LPIN1: variants seen among roughly 807,000 people sequenced by gnomAD.
LPIN1 encodes lipin 1.
Under a neutral mutation model 107.5 loss-of-function variants are expected in LPIN1, and 71 were observed. The ratio of observed to expected loss-of-function variants is 0.66; its 90% CI spans 0.55 to 0.80. The LOEUF is 0.80. Ranked by LOEUF, LPIN1 falls within the 30% of genes least tolerant of loss-of-function variation. The pLI is 0.00. For missense variants in LPIN1, 1,043 were observed against 1,160.6 expected, an observed-to-expected ratio of 0.90 and a Z score of 1.47; for synonymous variants, 445 against 452.6, an observed-to-expected ratio of 0.98 and a Z score of 0.21.
In LPIN1 at chr2:11,820,457, T is replaced by A. The variant is rs766055726; in HGVS notation, c.2564T>A (p.Phe855Tyr). The A allele has an allele frequency of 1.1e-5, 17 of 1,613,670 alleles. No individual in the cohort carries two copies. In the African/African-American group the frequency reaches 2.3e-4, roughly 22 times the overall value. The change falls in exon 20 of 21, where the codon TTT (phenylalanine) becomes TAT (tyrosine). Residue 855 changes from phenylalanine to tyrosine, a missense_variant. Transcript: ENST00000674199. ...KQVGVSLNRI[F>Y]TVNPKGELVQ... ...GTAGGAGTGTCTTTGAATAGAATAT[T>A]TACCGTCAACCCTAAAGGAGAGCTG...
intron 1 of LPIN1, among the ~76,000 whole-genome samples, chr2:11,725,380 A>G (rs534120329): frequency 2.0e-5 from 3 of 152,378 alleles, no homozygotes; most frequent in Non-Finnish European, 2.9e-5. Flanking sequence ...GAACTCCCCA[A>G]GTTGGATCCT....
intron 11 of LPIN1, 35 bp downstream of exon 11, chr2:11,787,202 A>G (rs1674744851): frequency 3.7e-6 from 5 of 1,351,158 alleles, no homozygotes; most frequent in South Asian, 3.5e-5. Context: ...TGGCAGTAGC[A>G]TGATACTGTT....
chr2:11,749,811 A>G (rs754996700), intron 1 of LPIN1, among the ~76,000 whole-genome samples: 4 of 152,216 alleles, frequency 2.6e-5, no homozygotes, highest in Non-Finnish European at 5.9e-5. Context: ...ACCGGTGGTC[A>G]TGGCTACAGG....
intron 1 of LPIN1, among the ~76,000 whole-genome samples, chr2:11,703,734 C>T (rs73181307): frequency 1.3e-5 from 2 of 152,150 alleles, no homozygotes; most frequent in African/African-American, 2.4e-5. Flanking sequence ...ACAAACTAGA[C>T]CTGCCTCCCT....
At chr2:11,784,024 G>A in intron 9 of LPIN1, 102 bp downstream of exon 9, 1 of 1,589,986 alleles carries the variant, frequency 6.3e-7, no homozygotes, top group Non-Finnish European at 8.6e-7. Flanking sequence ...GTGCAAGACA[G>A]CTGGGCGCGG....
At chr2:11,788,493 A>C in intron 12 of LPIN1, 37 bp downstream of exon 12, 1 of 1,476,406 alleles carries the variant, frequency 6.8e-7, no homozygotes, top group Non-Finnish European at 9.5e-7. Flanking sequence ...GGGATGCTAG[A>C]AATGATGGGT....
At chr2:11,779,292 G>A (rs1469859106) in intron 6 of LPIN1, among the ~76,000 whole-genome samples, 10 of 152,096 alleles carry the variant, frequency 6.6e-5, no homozygotes, top group Admixed American at 6.5e-4. Context: ...CTCCCCCGCG[G>A]TGCACCAGGC....
upstream of LPIN1, chr2:11,745,419 T>C (rs779137364): frequency 1.3e-5 from 2 of 152,240 alleles, no homozygotes; most frequent in Non-Finnish European, 2.9e-5. Flanking sequence ...GGTTTAAAAT[T>C]CTTTTTGGAC....
chr2:11,741,472 T>G, intron 2 of LPIN1: 1 of 1,376,678 alleles, frequency 7.3e-7, no homozygotes, highest in Non-Finnish European at 1.0e-6. Context: ...TAAGGTGTTA[T>G]GACCATTAGA....
At chr2:11,784,031 G>C in intron 9 of LPIN1, 109 bp downstream of exon 9, 1 of 1,579,256 alleles carries the variant, frequency 6.3e-7, no homozygotes, top group Non-Finnish European at 8.6e-7. Context: ...ACAGCTGGGC[G>C]CGGTGGCTCA....
At chr2:11,727,547 A>T (rs1038302971) in intron 1 of LPIN1, among the ~76,000 whole-genome samples, 1 of 152,104 alleles carries the variant, frequency 6.6e-6, no homozygotes, top group Non-Finnish European at 1.5e-5. Context: ...GTGGGGTGTC[A>T]CTGTTTCTAG....
At chr2:11,691,206 C>T (rs1289449606) in intron 1 of LPIN1, among the ~76,000 whole-genome samples, 1 of 151,764 alleles carries the variant, frequency 6.6e-6, no homozygotes, top group Non-Finnish European at 1.5e-5. Context: ...GTAGTTGCCT[C>T]CCCAGGTCCG....
intron 7 of LPIN1, among the ~76,000 whole-genome samples, chr2:11,781,123 A>G (rs1031620825): frequency 2.6e-5 from 4 of 152,190 alleles, no homozygotes; most frequent in Non-Finnish European, 5.9e-5. Context: ...TGAATGAATG[A>G]GTGAGTGAGT....
intron 1 of LPIN1, among the ~76,000 whole-genome samples, chr2:11,688,293 C>A (rs1662105531): frequency 6.6e-6 from 1 of 152,212 alleles, no homozygotes; most frequent in South Asian, 2.1e-4. Context: ...TCCACCCTCC[C>A]TCTCCCCACA....
At chr2:11,750,354 G>A (rs1490618751) in intron 1 of LPIN1, among the ~76,000 whole-genome samples, 1 of 152,258 alleles carries the variant, frequency 6.6e-6, no homozygotes, top group Non-Finnish European at 1.5e-5. Context: ...CAGTCTCGGG[G>A]TGGCCTCTTT....
At chr2:11,756,058 A>G (rs1003461594) in intron 1 of LPIN1, among the ~76,000 whole-genome samples, 3 of 152,226 alleles carry the variant, frequency 2.0e-5, no homozygotes, top group Non-Finnish European at 4.4e-5. Flanking sequence ...GAAGAAAAGT[A>G]CAAGTGAGAA....
chr2:11,787,316 G>T, intron 11 of LPIN1, 149 bp downstream of exon 11: 1 of 658,310 alleles, frequency 1.5e-6, no homozygotes, highest in Non-Finnish European at 2.7e-6. Flanking sequence ...TGTGGTCAGG[G>T]TTCCATGCCA....
chr2:11,791,786 G>A (rs1572858503), intron 12 of LPIN1, 128 bp from the exon 13 acceptor site: 2 of 1,503,652 alleles, frequency 1.3e-6, no homozygotes, highest in South Asian at 2.4e-5. Context: ...CGCACAAATA[G>A]TATGTTGTGT....
intron 12 of LPIN1, 103 bp downstream of exon 12, chr2:11,788,559 T>C (rs2148668089): frequency 1.1e-6 from 1 of 886,878 alleles, no homozygotes; most frequent in South Asian, 1.4e-5. Context: ...ACAGAGTTAA[T>C]TCCACTGTGC....
Sources: gnomAD v4.1 joint callset for allele counts (sites outside exome capture counted in the v4.1 genomes callset) on GRCh38, gnomAD v4.1.1 for gene constraint, MANE v1.5 for transcripts, NCBI Gene and HGNC (gene_info 2026-07-23, HGNC 2026-07-21) for gene names.